The following RPS6KA2 variants were observed in gnomAD, a reference collection of about 807,000 sequenced individuals.
RPS6KA2 encodes ribosomal protein S6 kinase A2.
A neutral mutation model predicts 91.8 loss-of-function variants in RPS6KA2; 42 were observed. The ratio of observed to expected loss-of-function variants is 0.46; its 90% CI spans 0.36 to 0.59. The LOEUF is 0.59. Ranked by LOEUF, RPS6KA2 falls within the 20% of genes least tolerant of loss-of-function variation. The pLI, the probability that RPS6KA2 is intolerant of heterozygous loss-of-function variation, is 0.00. For synonymous variants in RPS6KA2, 414 were observed against 393.6 expected (o/e 1.05, Z -0.61); for missense variants, 798 against 978.5 (o/e 0.82, Z 2.46).
At position 166,775,684 on chromosome 6, in the gene RPS6KA2, A is replaced by C. The variant is rs570333756; in HGVS notation, c.123+82516T>G. On this transcript the variant is annotated intron_variant, in intron 2 of 21. Transcript: ENST00000503859. ...CTGAGGCTGCAGCATCAGCCAAGAA[A>C]CCGTCTCTTTCAGACGCTTGCTGGC... is the stretch of plus-strand genomic sequence containing the variant. Among the ~76,000 whole-genome samples the C allele has an allele frequency of 1.6e-4, 25 of 152,294 alleles. 1 individual carries two copies. In the South Asian group the frequency reaches 5.2e-3, roughly 32 times the overall value.
intron 2 of RPS6KA2, among the ~76,000 whole-genome samples, chr6:166,531,931 G>C (rs377641778): frequency 6.6e-6 from 1 of 151,938 alleles, no homozygotes; most frequent in Non-Finnish European, 1.5e-5. Context: ...ATTTGTATTA[G>C]TGATTTTTTA....
chr6:166,556,760 C>T (rs1459604599), intron 1 of RPS6KA2, among the ~76,000 whole-genome samples: 5 of 152,176 alleles, frequency 3.3e-5, no homozygotes, highest in South Asian at 2.1e-4. Context: ...CTGTCTGAAT[C>T]GGGCGTCGTT....
intron 2 of RPS6KA2, among the ~76,000 whole-genome samples, chr6:166,807,872 T>C (rs941346692): frequency 2.0e-5 from 3 of 152,044 alleles, no homozygotes; most frequent in Non-Finnish European, 2.9e-5. Context: ...GTCCCCCTTA[T>C]CCTGCCGCAC....
chr6:166,684,706 T>C (rs1788954090), intron 2 of RPS6KA2, among the ~76,000 whole-genome samples: 1 of 152,136 alleles, frequency 6.6e-6, no homozygotes, highest in African/African-American at 2.4e-5. Context: ...CCGTTGGATG[T>C]ATCCACAGTG....
intron 2 of RPS6KA2, among the ~76,000 whole-genome samples, chr6:166,830,725 C>A (rs940782908): frequency 2.0e-5 from 3 of 152,162 alleles, no homozygotes; most frequent in Non-Finnish European, 4.4e-5. Context: ...CACCAAGCGT[C>A]AGTCCTCTCA....
intron 2 of RPS6KA2, among the ~76,000 whole-genome samples, chr6:166,774,443 C>T (rs1778561008): frequency 2.0e-5 from 3 of 152,112 alleles, no homozygotes; most frequent in Admixed American, 1.3e-4. Context: ...ACCCAGCGAG[C>T]GTCCCGGCGT....
intron 2 of RPS6KA2, chr6:166,858,068 G>A (rs1054948764): frequency 6.9e-6 from 5 of 719,564 alleles, no homozygotes; most frequent in Admixed American, 2.0e-5. Flanking sequence ...GCATGTGTAT[G>A]TATAGAGACA....
At chr6:166,479,271 G>T (rs1210575050) in intron 10 of RPS6KA2, among the ~76,000 whole-genome samples, 3 of 149,730 alleles carry the variant, frequency 2.0e-5, no homozygotes, top group Non-Finnish European at 4.4e-5. Context: ...GTGAGGGAAG[G>T]CACGGGCCAG....
In RPS6KA2 at chr6:166,508,830, C is replaced by T. The variant is rs1315778253; in HGVS notation, c.380-548G>A. On this transcript the variant is annotated intron_variant, in intron 4 of 20. Transcript: ENST00000265678. This position sits in a 1 kb window ranked among gnomAD's most constrained non-coding sequence, Gnocchi z 4.3. ...ATGGGGCTCACGTCCTAGGTCTGGT[C>T]ACTGTGAGCTATAACTGCAGACTTT... Among the ~76,000 whole-genome samples the T allele has an allele frequency of 6.6e-6, 1 of 152,200 alleles. No individual in the cohort carries two copies. Among genetic ancestry groups the T allele is most frequent in the Non-Finnish European group, 1.5e-5 (1 of 68,042 alleles).
intron 1 of RPS6KA2, among the ~76,000 whole-genome samples, chr6:166,595,446 G>A (rs1193849971): frequency 6.6e-6 from 1 of 152,204 alleles, no homozygotes; most frequent in Non-Finnish European, 1.5e-5. Flanking sequence ...CAGCAAAGCT[G>A]CCCAGGGAAG....
At chr6:166,832,391 T>C (rs936780442) in intron 2 of RPS6KA2, among the ~76,000 whole-genome samples, 1 of 152,160 alleles carries the variant, frequency 6.6e-6, no homozygotes, top group African/African-American at 2.4e-5. Flanking sequence ...GGATTTTGAA[T>C]CCAGTTTGAA....
intron 2 of RPS6KA2, among the ~76,000 whole-genome samples, chr6:166,778,769 AAAC>A (rs1352880467): frequency 2.6e-5 from 4 of 152,304 alleles, no homozygotes; most frequent in East Asian, 3.9e-4. Context: ...TCTATCAAAA[AAAC>A]AACAAGATTA....
Position 166,418,399 on chromosome 6 carries a change from G to T in RPS6KA2, c.1821-57C>A. On this transcript the variant is annotated intron_variant, in intron 18 of 20. Coordinates refer to ENST00000265678, the MANE Select transcript of RPS6KA2 (RefSeq NM_021135.6). This position sits in a 1 kb window ranked among gnomAD's most constrained non-coding sequence, Gnocchi z 4.9. ...CTTGTATTTTACAACCTAAAATAAA[G>T]TTTGCAAGTTGATATCACCCCTTGG... The T allele has an allele frequency of 7.5e-7, 1 of 1,338,806 alleles. No homozygotes were observed. Among genetic ancestry groups the T allele is most frequent in the Non-Finnish European group, 1.1e-6 (1 of 932,474 alleles). The allele number at this position is 1,338,806 out of a possible 1,614,324, so 82.9% of individuals were successfully genotyped here. A position where few individuals can be genotyped will look rare whatever the true frequency, so the allele number is the denominator to read the frequency against.
At chr6:166,441,262 A>G (rs940564924) in intron 14 of RPS6KA2, among the ~76,000 whole-genome samples, 2 of 152,116 alleles carry the variant, frequency 1.3e-5, no homozygotes, top group African/African-American at 4.8e-5. Flanking sequence ...TGTGGCTGTG[A>G]AGGCATCTAC....
chr6:166,449,858 CATGGGA>C (rs1478159541), intron 13 of RPS6KA2, among the ~76,000 whole-genome samples: 15 of 131,624 alleles, frequency 1.1e-4, no homozygotes, highest in African/African-American at 3.3e-4. Context: ...CGAGGACCAC[CATGGGA>C]ACCACCACGC....
At chr6:166,480,521 T>TATATATATAATATA (rs58223795) in intron 10 of RPS6KA2, among the ~76,000 whole-genome samples, 1 of 111,388 alleles carries the variant, frequency 9.0e-6, no homozygotes, top group African/African-American at 4.2e-5. Context: ...ATATAATATA[T>TATATATATAATATA]TTTTTTTTTT....
chr6:166,611,428 C>T (rs1786171352), intron 1 of RPS6KA2, among the ~76,000 whole-genome samples: 2 of 152,260 alleles, frequency 1.3e-5, no homozygotes, highest in African/African-American at 4.8e-5. Flanking sequence ...ATGACCTATC[C>T]TGCTCCTGGC....
At chr6:166,644,091 G>T (rs1027667833) in intron 2 of RPS6KA2, among the ~76,000 whole-genome samples, 1 of 152,152 alleles carries the variant, frequency 6.6e-6, no homozygotes, top group African/African-American at 2.4e-5. Context: ...TGCAGAATGA[G>T]GATTAACTTG....
At chr6:166,548,950 T>A (rs1783912314) in intron 1 of RPS6KA2, among the ~76,000 whole-genome samples, 1 of 152,226 alleles carries the variant, frequency 6.6e-6, no homozygotes, top group African/African-American at 2.4e-5. Flanking sequence ...AGGTTCTGCA[T>A]CCATAATGTA....
Sources: gnomAD v4.1 joint callset for allele counts (sites outside exome capture counted in the v4.1 genomes callset) on GRCh38, gnomAD v4.1.1 for gene constraint, Gnocchi (gnomAD v3.1) non-coding constraint, MANE v1.5 for transcripts, NCBI Gene and HGNC (gene_info 2026-07-23, HGNC 2026-07-21) for gene names.